Variants in DCUN1D4 observed in about 807,000 individuals in gnomAD.
DCUN1D4 encodes the protein defective in cullin neddylation 1 domain containing 4.
In DCUN1D4, 22 loss-of-function variants were observed where a neutral mutation model predicts 47.9. The observed-to-expected ratio is 0.46, with a 90% CI of 0.33 to 0.66. The LOEUF (loss-of-function observed/expected upper bound fraction) is 0.66. Among genes scored for constraint, DCUN1D4 ranks in the 30% least tolerant of loss-of-function variants. The probability of loss-of-function intolerance (pLI) is 0.02; values close to 1 mark genes in which losing one functional copy is unlikely to be tolerated. For synonymous variants in DCUN1D4, 121 were observed against 112.2 expected (o/e 1.08, Z -0.50); for missense variants, 301 against 340.8 (o/e 0.88, Z 0.92).
chr4:51,854,018 G>T (rs1285869366), intron 1 of DCUN1D4, among the ~76,000 whole-genome samples: 1 of 152,214 alleles, frequency 6.6e-6, no homozygotes, highest in East Asian at 1.9e-4. Flanking sequence ...CGTAGAAAAA[G>T]AAATTCCTAC....
chr4:51,863,408 C>A (rs779189732), intron 1 of DCUN1D4, 29 bp from the exon 2 acceptor site: 1 of 1,526,850 alleles, frequency 6.5e-7, no homozygotes, highest in African/African-American at 1.4e-5. Flanking sequence ...AAATAAATGA[C>A]GCTGACATTT....
At chr4:51,907,325 C>T (rs905782660) in intron 8 of DCUN1D4, among the ~76,000 whole-genome samples, 1 of 152,142 alleles carries the variant, frequency 6.6e-6, no homozygotes, top group Non-Finnish European at 1.5e-5. Flanking sequence ...ATTAAACTCC[C>T]GTTCAAAAAA....
chr4:51,899,136 A>T lies in DCUN1D4; in HGVS notation c.507-134A>T, dbSNP rs78087707. On this transcript the variant is annotated intron_variant, in intron 7 of 10. Coordinates refer to ENST00000334635, the MANE Select transcript of DCUN1D4 (RefSeq NM_001040402.3). ...ATTTAAAATTTTTTTTAAGTGTAGA[A>T]AAAATAGGTTATGGATGTGTTTCAA... 5.8e-4 allele frequency: 797 copies of T among 1,369,014 alleles called. 3 individuals are homozygous for T. In the African/African-American group the frequency reaches 0.011, roughly 18 times the overall value. 84.8% of individuals were successfully genotyped at this position (1,369,014 alleles called of 1,614,324 possible).
At chr4:51,845,066 C>T (rs1312348268) in intron 1 of DCUN1D4, 4 of 985,354 alleles carry the variant, frequency 4.1e-6, no homozygotes, top group Non-Finnish European at 4.8e-6. Context: ...ATTTTGTGGC[C>T]TTACTTGTGG....
chr4:51,855,761 A>AAAGGTTGT (rs1462423810), intron 1 of DCUN1D4, among the ~76,000 whole-genome samples: 1 of 152,204 alleles, frequency 6.6e-6, no homozygotes, highest in Non-Finnish European at 1.5e-5. Context: ...GATTCAAGTA[A>AAAGGTTGT]AAGGTTGTAA....
upstream of DCUN1D4, chr4:51,843,034 C>T (rs955568310): frequency 7.3e-7 from 1 of 1,363,388 alleles, no homozygotes; most frequent in Non-Finnish European, 9.4e-7. Context: ...AGCTCCAGAC[C>T]GGCGCTATGG....
intron 1 of DCUN1D4, chr4:51,844,474 G>A: frequency 1.1e-6 from 1 of 909,810 alleles, no homozygotes; most frequent in Non-Finnish European, 1.3e-6. Context: ...TTTCAGCAGC[G>A]GGAGCCGGAG....
intron 8 of DCUN1D4, among the ~76,000 whole-genome samples, chr4:51,909,938 GA>G (rs1370527278): frequency 6.6e-6 from 1 of 152,186 alleles, no homozygotes; most frequent in Non-Finnish European, 1.5e-5. Flanking sequence ...GTCATGGCTA[GA>G]AATGGTTTGT....
chr4:51,902,073 T>C (rs1471852817), intron 8 of DCUN1D4, among the ~76,000 whole-genome samples: 1 of 152,242 alleles, frequency 6.6e-6, no homozygotes, highest in African/African-American at 2.4e-5. Context: ...TAGAAGTATG[T>C]TATTTTCCAG....
At chr4:51,874,874 C>CT (rs1232219486) in intron 4 of DCUN1D4, 1 of 152,404 alleles carries the variant, frequency 6.6e-6, no homozygotes, top group African/African-American at 2.4e-5. Flanking sequence ...AATCGCTTCT[C>CT]TTTCAGATAA....
At chr4:51,863,137 A>G (rs1725337986) in intron 1 of DCUN1D4, among the ~76,000 whole-genome samples, 1 of 152,192 alleles carries the variant, frequency 6.6e-6, no homozygotes, top group Non-Finnish European at 1.5e-5. Flanking sequence ...TTCATTTGAG[A>G]CTTATCTTTC....
chr4:51,837,037 A>T, the DCUN1D4 span, among the ~76,000 whole-genome samples: 2,267 of 152,362 alleles, frequency 0.015, 23 homozygotes, highest in Non-Finnish European at 0.026. Context: ...AGTAATTGAA[A>T]CAATGCTATA....
intron 6 of DCUN1D4, among the ~76,000 whole-genome samples, chr4:51,888,928 G>A (rs943095418): frequency 3.3e-5 from 5 of 151,968 alleles, no homozygotes; most frequent in Non-Finnish European, 5.9e-5. Context: ...TGGAAAACAT[G>A]GTGAAACCCC....
At chr4:51,851,995 A>C (rs148564055) in intron 1 of DCUN1D4, among the ~76,000 whole-genome samples, 93 of 152,312 alleles carry the variant, frequency 6.1e-4, no homozygotes, top group Non-Finnish European at 1.2e-3. Context: ...CCCTGATTGG[A>C]ACACTGCATG....
At position 51,911,143 on chromosome 4, in the gene DCUN1D4, C is replaced by G; in HGVS notation, c.689C>G (p.Pro230Arg). The G allele has an allele frequency of 6.2e-7, 1 of 1,611,654 alleles. No individual in the cohort carries two copies. Among genetic ancestry groups the G allele is most frequent in the African/African-American group, 1.3e-5 (1 of 74,756 alleles). The change falls in exon 9 of 11, where the codon CCC becomes CGC. Residue 230 changes from proline to arginine, a missense_variant. Around this residue, in one of 2 missense-constraint regions of DCUN1D4, gnomAD observed 170 missense variants for 234.5 expected, o/e 0.73. Transcript: ENST00000334635. Reference protein sequence around the residue: ...MLGLLLGKIWPLFPVFHQFLE... With the variant: ...MLGLLLGKIWRLFPVFHQFLE... ...GGACTGTTATTAGGAAAAATCTGGCCCCTTTTTCCAGTTTTTCACCAATTC... is the reference window on the plus strand; with the variant it reads ...GGACTGTTATTAGGAAAAATCTGGCGCCTTTTTCCAGTTTTTCACCAATTC...
chr4:51,905,441 A>G lies in DCUN1D4; in HGVS notation c.616-5629A>G, dbSNP rs529231453. The G allele has an allele frequency of 4.3e-5, 7 of 162,762 alleles. No homozygotes were observed. In the East Asian group the frequency reaches 6.5e-4, roughly 15 times the overall value. The allele number at this position is 162,762 out of a possible 1,614,324, so 10.1% of individuals were successfully genotyped here. A position where few individuals can be genotyped will look rare whatever the true frequency, so the allele number is the denominator to read the frequency against. On this transcript the variant is annotated intron_variant, in intron 8 of 10. Coordinates refer to ENST00000334635, the MANE Select transcript of DCUN1D4 (RefSeq NM_001040402.3). ...GGGCCAACATGATCAGTTCTCTTCT[A>G]CAGTTGGAATTTTGCCTCAGTATTT...
intron 4 of DCUN1D4, chr4:51,874,938 A>G (rs1009345849): frequency 6.6e-6 from 1 of 152,210 alleles, no homozygotes; most frequent in South Asian, 2.1e-4. Flanking sequence ...GTTTATTTCA[A>G]ACATCTTTAT....
At chr4:51,899,927 G>T (rs1731843939) in intron 8 of DCUN1D4, among the ~76,000 whole-genome samples, 1 of 152,124 alleles carries the variant, frequency 6.6e-6, no homozygotes. Flanking sequence ...TGTGAAAGTG[G>T]TTCCCTTGGA....
intron 1 of DCUN1D4, among the ~76,000 whole-genome samples, chr4:51,850,774 A>C (rs1723250597): frequency 6.6e-6 from 1 of 151,716 alleles, no homozygotes; most frequent in African/African-American, 2.4e-5. Flanking sequence ...GGTGGGGTGG[A>C]GGGTGTTGTA....
Sources: gnomAD v4.1 joint callset for allele counts (sites outside exome capture counted in the v4.1 genomes callset) on GRCh38, gnomAD v4.1.1 for gene constraint, gnomAD v4.1.1 regional missense constraint, MANE v1.5 for transcripts, NCBI Gene and HGNC (gene_info 2026-07-23, HGNC 2026-07-21) for gene names.